The following GLRA3 variants were observed in gnomAD, a reference collection of about 807,000 sequenced individuals.
GLRA3 encodes the protein glycine receptor alpha 3, also known as glycine receptor subunit alpha-3.
GLRA3 carries 44 observed loss-of-function variants against 60.4 expected under a neutral mutation model. The observed-to-expected ratio is 0.73, with a 90% CI of 0.57 to 0.94. The LOEUF is 0.94. GLRA3 is among the 40% of genes least tolerant of loss of function. The probability of loss-of-function intolerance (pLI) is 0.00; values close to 1 mark genes in which losing one functional copy is unlikely to be tolerated. For missense variants in GLRA3, 508 were observed against 564.6 expected (o/e 0.90, Z 1.02); for synonymous variants, 223 against 192.9 (o/e 1.16, Z -1.29).
intron 3 of GLRA3, among the ~76,000 whole-genome samples, chr4:174,739,824 G>A (rs1736945194): frequency 6.6e-6 from 1 of 152,128 alleles, no homozygotes; most frequent in Non-Finnish European, 1.5e-5. Context: ...ACACGGTAAA[G>A]TCAAGATCCA....
At chr4:174,662,837 C>CTTTTTTTTTTTTTTTTTT (rs72148674) in intron 7 of GLRA3, among the ~76,000 whole-genome samples, 3 of 128,370 alleles carry the variant, frequency 2.3e-5, no homozygotes, top group Admixed American at 7.7e-5. Flanking sequence ...TTTTTTTTTT[C>CTTTTTTTTTTTTTTTTTT]TTTTTTTTTT....
chr4:174,787,991 T>G (rs1739185180), intron 2 of GLRA3, among the ~76,000 whole-genome samples: 1 of 152,070 alleles, frequency 6.6e-6, no homozygotes. Context: ...GGAAAAATGG[T>G]AGTTATAGAC....
At chr4:174,735,044 A>G (rs1736714661) in intron 3 of GLRA3, among the ~76,000 whole-genome samples, 1 of 152,134 alleles carries the variant, frequency 6.6e-6, no homozygotes, top group Non-Finnish European at 1.5e-5. Flanking sequence ...ATCTCCCGCT[A>G]AGGTGCTGCA....
chr4:174,681,425 C>A (rs919234309), intron 6 of GLRA3, among the ~76,000 whole-genome samples: 5 of 152,006 alleles, frequency 3.3e-5, no homozygotes, highest in Non-Finnish European at 7.4e-5. Flanking sequence ...ATGAAATTGT[C>A]CTGGATAAGA....
rs868214317 is a variant in GLRA3 at position 174,798,751 on chromosome 4, C to T, written c.72-9808G>A. On this transcript the variant is annotated intron_variant, in intron 1 of 9. Transcript: ENST00000274093. ...CATCCTGGCTAACACGGTGAAACCC[C>T]GTCTCTACTAAAAATACAAAAAATT... Among the ~76,000 whole-genome samples the T allele has an allele frequency of 1.1e-4, 16 of 152,156 alleles. 1 individual carries two copies. The highest frequency in any genetic ancestry group is 6.8e-3 in the Middle Eastern group (2 of 294).
rs544536998 is a variant in GLRA3 at position 174,828,998 on chromosome 4, A to G, written c.-187T>C. On this transcript the variant is annotated 5_prime_UTR_variant, in exon 1 of 10. Coordinates refer to ENST00000274093, the MANE Select transcript of GLRA3 (RefSeq NM_006529.4). ...CCTTCTCAGCATTGAGCAGAAGTGG[A>G]GAGTCACAGTGTTATAAATGTGCAG... The G allele has an allele frequency of 5.2e-6, 3 of 581,116 alleles. No individual in the cohort carries two copies. The African/African-American group carries it at 5.6e-5, about 11-fold the overall frequency. The allele number at this position is 581,116 out of a possible 1,614,324, so 36.0% of individuals were successfully genotyped here.
At chr4:174,753,347 A>G (rs954466816) in intron 3 of GLRA3, among the ~76,000 whole-genome samples, 2 of 152,192 alleles carry the variant, frequency 1.3e-5, no homozygotes, top group African/African-American at 2.4e-5. Flanking sequence ...CACATCTGTC[A>G]GAGATTCAGC....
intron 5 of GLRA3, among the ~76,000 whole-genome samples, chr4:174,684,621 GTTAC>G (rs1015972776): frequency 7.2e-5 from 11 of 152,208 alleles, no homozygotes; most frequent in Non-Finnish European, 1.6e-4. Flanking sequence ...CAGAATTGTT[GTTAC>G]TTTGATCAAT....
intron 2 of GLRA3, among the ~76,000 whole-genome samples, chr4:174,778,893 G>A (rs796635705): frequency 6.6e-6 from 1 of 152,184 alleles, no homozygotes; most frequent in African/African-American, 2.4e-5. Flanking sequence ...GAGGCTGGGG[G>A]AGGGGCGCCC....
At chr4:174,651,818 T>C (rs1180940622) in intron 9 of GLRA3, among the ~76,000 whole-genome samples, 1 of 152,160 alleles carries the variant, frequency 6.6e-6, no homozygotes, top group African/African-American at 2.4e-5. Context: ...GTGTTTTAAA[T>C]GTGTTCCATG....
At chr4:174,806,295 GT>G (rs1349586901) in intron 1 of GLRA3, among the ~76,000 whole-genome samples, 1 of 152,040 alleles carries the variant, frequency 6.6e-6, no homozygotes, top group African/African-American at 2.4e-5. Context: ...TAAAAAGCAG[GT>G]TTTGAAAATC....
Position 174,800,881 on chromosome 4 carries a change from C to G in GLRA3, c.72-11938G>C, listed in dbSNP as rs538676254. Among the ~76,000 whole-genome samples, 4 of 151,872 alleles carry G rather than the reference C, an allele frequency of 2.6e-5. No individual in the cohort carries two copies. In the South Asian group the frequency reaches 6.2e-4, roughly 24 times the overall value. On this transcript the variant is annotated intron_variant, in intron 1 of 9. Coordinates refer to ENST00000274093, the MANE Select transcript of GLRA3 (RefSeq NM_006529.4). ...GTTGTTGTTGTTGTTAAAAAACTGACAATGGCTGGCTTAAAATAATACAGA... is the reference window on the plus strand; with the variant it reads ...GTTGTTGTTGTTGTTAAAAAACTGAGAATGGCTGGCTTAAAATAATACAGA...
chr4:174,824,468 T>G (rs1335042156), intron 1 of GLRA3, among the ~76,000 whole-genome samples: 2 of 152,174 alleles, frequency 1.3e-5, no homozygotes, highest in Non-Finnish European at 2.9e-5. Context: ...TTAAATTACT[T>G]CTTTCTAAAT....
chr4:174,828,184 T>C (rs2111417097), intron 1 of GLRA3, among the ~76,000 whole-genome samples: 1 of 152,286 alleles, frequency 6.6e-6, no homozygotes, highest in African/African-American at 2.4e-5. Flanking sequence ...AGAACATATC[T>C]AATAATCTAT....
rs79188570 is a variant in GLRA3 at position 174,697,067 on chromosome 4, C to T, written c.575-14128G>A. Among the ~76,000 whole-genome samples, 593 of 152,146 alleles carry T rather than the reference C, an allele frequency of 3.9e-3. 2 individuals are homozygous for T. Among genetic ancestry groups the T allele is most frequent in the African/African-American group, 0.014 (572 of 41,526 alleles). ...AAAATCTTTGGTGGTTTAAAAATAG[C>T]TTAAAAGACTACACATGAGAAAAGA... On this transcript the variant is annotated intron_variant, in intron 5 of 9. Transcript: ENST00000274093.
intron 7 of GLRA3, among the ~76,000 whole-genome samples, chr4:174,670,968 G>A (rs1462794148): frequency 6.6e-6 from 1 of 151,874 alleles, no homozygotes. Context: ...ATAAGGGTAT[G>A]AATAAATAAT....
chr4:174,706,765 G>C (rs925566582), intron 5 of GLRA3, among the ~76,000 whole-genome samples: 8 of 94,850 alleles, frequency 8.4e-5, no homozygotes, highest in African/African-American at 2.0e-4. Context: ...GAATCTCAAA[G>C]GGGTGATAAA....
chr4:174,731,893 A>C (rs2111142787), intron 3 of GLRA3, among the ~76,000 whole-genome samples: 1 of 152,340 alleles, frequency 6.6e-6, no homozygotes, highest in Non-Finnish European at 1.5e-5. Flanking sequence ...GAAGTATCTG[A>C]AAAAATGTTC....
chr4:174,710,288 C>G (rs917135887), intron 5 of GLRA3, among the ~76,000 whole-genome samples: 2 of 152,108 alleles, frequency 1.3e-5, no homozygotes, highest in East Asian at 1.9e-4. Context: ...AAGCTCTATC[C>G]TAAAATTTCC....
Sources: gnomAD v4.1 joint callset for allele counts (sites outside exome capture counted in the v4.1 genomes callset) on GRCh38, gnomAD v4.1.1 for gene constraint, MANE v1.5 for transcripts, NCBI Gene and HGNC (gene_info 2026-07-23, HGNC 2026-07-21) for gene names.